WWC2: variants seen among roughly 807,000 people sequenced by gnomAD.
WWC2 encodes the protein protein WWC2.
In WWC2, 101 loss-of-function variants were observed where a neutral mutation model predicts 138.5. The observed-to-expected ratio is 0.73, with a 90% CI of 0.62 to 0.86. The LOEUF is 0.86. Among genes scored for constraint, WWC2 ranks in the 40% least tolerant of loss-of-function variants. WWC2 has a pLI of 0.00. For missense variants in WWC2, 1,420 were observed against 1,419.4 expected (o/e 1.00, Z -0.01); for synonymous variants, 558 against 538.4 (o/e 1.04, Z -0.50).
intron 1 of WWC2, among the ~76,000 whole-genome samples, chr4:183,132,962 A>G (rs368034384): frequency 5.6e-5 from 8 of 142,222 alleles, no homozygotes; most frequent in African/African-American, 1.7e-4. Flanking sequence ...TCCCAAATTT[A>G]AAATGGGTCC....
Position 183,208,171 on chromosome 4 carries a change from G to A in WWC2, c.445+15G>A. The A allele has an allele frequency of 3.1e-6, 5 of 1,612,250 alleles. No individual in the cohort carries two copies. The highest frequency in any genetic ancestry group is 4.2e-6 in the Non-Finnish European group (5 of 1,178,986). On this transcript the variant is annotated intron_variant, in intron 3 of 22. Coordinates refer to ENST00000403733, the MANE Select transcript of WWC2 (RefSeq NM_024949.6). Reference sequence around the variant, plus strand: ...TCACACAAGCTGTAAGTACAGTGTGGCTATTCAGACTTTGGAAGTGGAGAC... The same window carrying A: ...TCACACAAGCTGTAAGTACAGTGTGACTATTCAGACTTTGGAAGTGGAGAC...
intron 1 of WWC2, among the ~76,000 whole-genome samples, chr4:183,162,410 T>C (rs1284923525): frequency 1.3e-5 from 2 of 152,254 alleles, no homozygotes; most frequent in Non-Finnish European, 2.9e-5. Flanking sequence ...AAGGTAATTT[T>C]TATGGTGCAG....
chr4:183,249,826 C>A, intron 7 of WWC2, 94 bp from the exon 8 acceptor site: 1 of 1,035,728 alleles, frequency 9.7e-7, no homozygotes, highest in Non-Finnish European at 1.4e-6. Context: ...TCTTCTTTAA[C>A]TTTTCAATTA....
At chr4:183,206,120 C>A (rs1380062560) in intron 2 of WWC2, among the ~76,000 whole-genome samples, 2 of 152,076 alleles carry the variant, frequency 1.3e-5, no homozygotes, top group Non-Finnish European at 2.9e-5. Context: ...AAAGTGCTTT[C>A]AGACAGAAAT....
At chr4:183,215,188 A>G (rs969038686) in intron 4 of WWC2, among the ~76,000 whole-genome samples, 1 of 152,266 alleles carries the variant, frequency 6.6e-6, no homozygotes, top group Non-Finnish European at 1.5e-5. Flanking sequence ...ACAATGACTA[A>G]TAATAAATTG....
chr4:183,280,747 T>A, intron 16 of WWC2, 29 bp from the exon 17 acceptor site: 1 of 1,580,590 alleles, frequency 6.3e-7, no homozygotes, highest in Admixed American at 1.9e-5. Context: ...GTATATTATG[T>A]TAATTGCCGT....
chr4:183,134,029 G>T (rs1283475490), intron 1 of WWC2, among the ~76,000 whole-genome samples: 2 of 151,840 alleles, frequency 1.3e-5, no homozygotes, highest in Non-Finnish European at 2.9e-5. Context: ...GTTTTTTTCA[G>T]TTTCATTTTT....
chr4:183,183,220 C>T (rs762657524), intron 1 of WWC2, among the ~76,000 whole-genome samples: 14 of 152,076 alleles, frequency 9.2e-5, no homozygotes, highest in Non-Finnish European at 1.8e-4. Flanking sequence ...TGCAGTAATG[C>T]GCAGGTTTGT....
At position 183,099,563 on chromosome 4, in the gene WWC2, C is replaced by A; in HGVS notation, c.72C>A (p.Gly24=). The change falls in exon 1 of 23, where the codon GGC becomes GGA. Residue 24 remains glycine, a synonymous_variant. Transcript: ENST00000403733. The part of the protein sequence containing the change: ...RGWEEARDYD[G]KVFYIDHNTR... ...GGGAGGAGGCCAGGGACTACGACGGCAAGGTCTTCTACATTGACCACAACA... is the reference window on the plus strand; with the variant it reads ...GGGAGGAGGCCAGGGACTACGACGGAAAGGTCTTCTACATTGACCACAACA... The A allele has an allele frequency of 1.4e-6, 2 of 1,423,716 alleles. No homozygotes were observed. The highest frequency in any genetic ancestry group is 1.9e-6 in the Non-Finnish European group (2 of 1,072,824). 88.2% of individuals were successfully genotyped at this position (1,423,716 alleles called of 1,614,324 possible). A position where few individuals can be genotyped will look rare whatever the true frequency, so the allele number is the denominator to read the frequency against.
At chr4:183,314,303 AT>A (rs1489951404) in intron 22 of WWC2, among the ~76,000 whole-genome samples, 1 of 152,224 alleles carries the variant, frequency 6.6e-6, no homozygotes, top group Non-Finnish European at 1.5e-5. Flanking sequence ...CACTTAGAGA[AT>A]AAGCAGCATT....
intron 4 of WWC2, among the ~76,000 whole-genome samples, chr4:183,211,390 T>A (rs1001778005): frequency 2.0e-5 from 3 of 152,200 alleles, no homozygotes; most frequent in South Asian, 2.1e-4. Flanking sequence ...CTTGCCCAAA[T>A]TCTGCACATT....
At chr4:183,111,774 G>C (rs1281696831) in intron 1 of WWC2, among the ~76,000 whole-genome samples, 1 of 151,110 alleles carries the variant, frequency 6.6e-6, no homozygotes, top group Non-Finnish European at 1.5e-5. Flanking sequence ...GCTCGTTGCA[G>C]CCTCAATCTC....
At chr4:183,270,389 A>C (rs553512163) in intron 15 of WWC2, among the ~76,000 whole-genome samples, 1 of 152,290 alleles carries the variant, frequency 6.6e-6, no homozygotes, top group East Asian at 1.9e-4. Flanking sequence ...GTCTTATTCA[A>C]GAACCAAAGT....
rs561366034 is a variant in WWC2, at chr4:183,317,503, A to C, written c.*1774A>C. 1.3e-5 allele frequency: 2 copies of C among 152,746 alleles called. No homozygotes were observed. The highest frequency in any genetic ancestry group is 2.4e-5 in the African/African-American group (1 of 41,574). The allele number at this position is 152,746 out of a possible 1,614,324, so 9.5% of individuals were successfully genotyped here. ...GAAAACTAGAAAAAGAATACAGTTC[A>C]CCCTTGTCAAGGTCAAATGTGAAAG... On this transcript the variant is annotated 3_prime_UTR_variant, in exon 23 of 23. Transcript: ENST00000403733.
chr4:183,303,253 T>A (rs72703407), intron 21 of WWC2, among the ~76,000 whole-genome samples: 7,879 of 152,250 alleles, frequency 0.052, 236 homozygotes, highest in South Asian at 0.084. Flanking sequence ...AAGTAACTTC[T>A]GCAAATATAG....
At chr4:183,277,538 T>A (rs1396625227) in intron 16 of WWC2, among the ~76,000 whole-genome samples, 1 of 149,492 alleles carries the variant, frequency 6.7e-6, no homozygotes, top group Non-Finnish European at 1.5e-5. Context: ...CAGTTCTAGA[T>A]CCCTGAGGAA....
chr4:183,133,553 A>G (rs192970788), intron 1 of WWC2, among the ~76,000 whole-genome samples: 79 of 152,012 alleles, frequency 5.2e-4, no homozygotes, highest in Non-Finnish European at 9.4e-4. Flanking sequence ...CTGGAGTGCA[A>G]TGGTGCGATT....
intron 8 of WWC2, among the ~76,000 whole-genome samples, chr4:183,252,058 CTG>C (rs565089269): frequency 5.6e-4 from 86 of 152,284 alleles, no homozygotes; most frequent in African/African-American, 2.0e-3. Flanking sequence ...CAGAAGTACA[CTG>C]CATACACCGT....
intron 21 of WWC2, among the ~76,000 whole-genome samples, chr4:183,291,656 T>C (rs1470549042): frequency 6.6e-6 from 1 of 152,204 alleles, no homozygotes; most frequent in Non-Finnish European, 1.5e-5. Context: ...TGTCATGATA[T>C]GAAATTCTAA....
Sources: gnomAD v4.1 joint callset for allele counts (sites outside exome capture counted in the v4.1 genomes callset) on GRCh38, gnomAD v4.1.1 for gene constraint, MANE v1.5 for transcripts, NCBI Gene and HGNC (gene_info 2026-07-23, HGNC 2026-07-21) for gene names.